The following ZGPAT variants were observed in gnomAD, a reference collection of about 807,000 sequenced individuals.
The protein encoded by ZGPAT is zinc finger CCCH-type with G patch domain-containing protein.
A neutral mutation model predicts 47.9 loss-of-function variants in ZGPAT; 39 were observed. That is an observed-to-expected ratio of 0.81 (90% CI 0.63 to 1.06). ZGPAT has a LOEUF of 1.06. ZGPAT is among the 50% of genes least tolerant of loss of function. The pLI, the probability that ZGPAT is intolerant of heterozygous loss-of-function variation, is 0.00. For synonymous variants in ZGPAT, 348 were observed against 292.9 expected, an observed-to-expected ratio of 1.19 and a Z score of -1.92; for missense variants, 717 against 681.4, an observed-to-expected ratio of 1.05 and a Z score of -0.58.
chr20:63,734,957 GCTC>G (rs921201520), intron 5 of ZGPAT, 133 bp downstream of exon 5: 9 of 1,361,320 alleles, frequency 6.6e-6, no homozygotes, highest in Non-Finnish European at 8.8e-6. Context: ...CCATCCCCGT[GCTC>G]CTCAGATTCC....
chr20:63,735,140 C>T lies in ZGPAT; in HGVS notation c.992-19C>T. The T allele has an allele frequency of 6.7e-7, 1 of 1,501,120 alleles. No homozygotes were observed. The highest frequency in any genetic ancestry group is 2.4e-5 in the East Asian group (1 of 42,256). The allele number at this position is 1,501,120 out of a possible 1,614,324, so 93.0% of individuals were successfully genotyped here. On this transcript the variant is annotated intron_variant, in intron 5 of 6. Coordinates refer to ENST00000355969, the MANE Select transcript of ZGPAT (RefSeq NM_181485.3). ...CGGGGTCCCGCAGCCACAGCACTGC[C>T]ATCCCCGTGCCTCCGCAGGTTTGGG...
chr20:63,733,205 G>C lies in ZGPAT; in HGVS notation c.585-14G>C. The C allele has an allele frequency of 6.2e-7, 1 of 1,611,746 alleles. No individual in the cohort carries two copies. The highest frequency in any genetic ancestry group is 2.2e-5 in the East Asian group (1 of 44,810). On this transcript the variant is annotated splice_polypyrimidine_tract_variant and intron_variant, in intron 2 of 6. Coordinates refer to ENST00000355969, the MANE Select transcript of ZGPAT (RefSeq NM_181485.3). Reference sequence around the variant, plus strand: ...CCCATGTCTGAGCCCTGCCCCTTACGGCTCTGTCTGCAGGTTCTCCCATGG... The same window carrying C: ...CCCATGTCTGAGCCCTGCCCCTTACCGCTCTGTCTGCAGGTTCTCCCATGG...
intron 2 of ZGPAT, among the ~76,000 whole-genome samples, chr20:63,716,130 A>C (rs1421517932): frequency 6.6e-6 from 1 of 152,016 alleles, no homozygotes; most frequent in African/African-American, 2.4e-5. Context: ...CCCGAGTTCA[A>C]GTGATTCTCC....
chr20:63,726,800 T>G (rs1434561910), intron 2 of ZGPAT, among the ~76,000 whole-genome samples: 3 of 152,206 alleles, frequency 2.0e-5, no homozygotes, highest in African/African-American at 7.2e-5. Context: ...GTCCAGGGAT[T>G]ACAGGCATGA....
In ZGPAT at chr20:63,733,355, G is replaced by A. The variant is rs543908724; in HGVS notation, c.718+3G>A. On this transcript the variant is annotated splice_donor_region_variant and intron_variant, in intron 3 of 6. Transcript: ENST00000355969. ...CTGGCACGCAGCACGCATCACCGGTGAGGCTGGCCGTGGGGGCCTCCCGGG... is the reference window on the plus strand; with the variant it reads ...CTGGCACGCAGCACGCATCACCGGTAAGGCTGGCCGTGGGGGCCTCCCGGG... 1 of 1,609,766 alleles carries A rather than the reference G, an allele frequency of 6.2e-7. No individual in the cohort carries two copies. Among genetic ancestry groups the A allele is most frequent in the East Asian group, 2.2e-5 (1 of 44,854 alleles).
At chr20:63,722,038 C>T (rs1324137217) in intron 2 of ZGPAT, among the ~76,000 whole-genome samples, 1 of 148,572 alleles carries the variant, frequency 6.7e-6, no homozygotes, top group Non-Finnish European at 1.5e-5. Context: ...AAAAAAATGC[C>T]ATCAACAGCA....
In ZGPAT at chr20:63,735,439, G is replaced by A. The variant is rs2091974911; in HGVS notation, c.1272G>A (p.Met424Ile). The A allele has an allele frequency of 6.4e-7, 1 of 1,573,218 alleles. No individual in the cohort carries two copies. ...AAPAGRRSKDMYHASKSAKRA... is the reference protein window; with the variant it reads ...AAPAGRRSKDIYHASKSAKRA... The stretch of plus-strand genomic sequence containing the variant: ...CAGCGGGGAGGAGGAGCAAGGACAT[G>A]TACCATGCCAGCAAGAGTGCCAAGC... The change falls in exon 6 of 7, where the codon ATG (methionine) becomes ATA (isoleucine). Residue 424 changes from methionine to isoleucine, a missense_variant. Met to Ile is a conservative substitution (Grantham distance 10). Coordinates refer to ENST00000355969, the MANE Select transcript of ZGPAT (RefSeq NM_181485.3).
At chr20:63,733,016 ATG>A (rs1435533421) in intron 2 of ZGPAT, among the ~76,000 whole-genome samples, 4 of 148,926 alleles carry the variant, frequency 2.7e-5, no homozygotes, top group Admixed American at 6.7e-5. Flanking sequence ...GCATGTGTGT[ATG>A]TGTGCGTGAG....
intron 2 of ZGPAT, among the ~76,000 whole-genome samples, chr20:63,724,798 C>T (rs2091826715): frequency 6.6e-6 from 1 of 151,622 alleles, no homozygotes; most frequent in Non-Finnish European, 1.5e-5. Flanking sequence ...CTCAGCCTCC[C>T]AAGTAGCTGA....
At chr20:63,733,868 T>C in intron 4 of ZGPAT, 129 bp downstream of exon 4, 1 of 1,303,938 alleles carries the variant, frequency 7.7e-7, no homozygotes, top group Non-Finnish European at 1.0e-6. Context: ...GGGTGCCACC[T>C]GTGCCTGAGG....
rs1236357496 is a variant in ZGPAT, at chr20:63,734,753, C to T, written c.920C>T (p.Ala307Val). ...TCTGGGACCTGCAGCTCTGCCTTTG[C>T]TGGCTGGGAGGTGCACACGCGAGGT... ...VDSGTCSSAF[A>V]GWEVHTRGIG... The change falls in exon 5 of 7, where the codon GCT becomes GTT. Residue 307 changes from alanine to valine, a missense_variant. Physicochemically the swap from Ala to Val is moderately conservative, Grantham distance 64. Coordinates refer to ENST00000355969, the MANE Select transcript of ZGPAT (RefSeq NM_181485.3). 1.2e-6 allele frequency: 2 copies of T among 1,613,804 alleles called. No homozygotes were observed. The highest frequency in any genetic ancestry group is 2.7e-5 in the African/African-American group (2 of 74,932).
At chr20:63,713,176 A>G (rs1030906178) in intron 2 of ZGPAT, among the ~76,000 whole-genome samples, 48 of 151,394 alleles carry the variant, frequency 3.2e-4, no homozygotes, top group Admixed American at 1.8e-3. Context: ...GGTTCAAGCA[A>G]TTCTTCTGCT....
intron 1 of ZGPAT, 78 bp from the exon 2 acceptor site, chr20:63,708,473 ACG>A (rs2091600110): frequency 2.0e-6 from 2 of 999,536 alleles, no homozygotes; most frequent in African/African-American, 3.3e-5. Context: ...GGGAAAGGGG[ACG>A]TGCCCGTGCC....
In ZGPAT at chr20:63,735,438, T is replaced by C. The variant is rs752880223; in HGVS notation, c.1271T>C (p.Met424Thr). The C allele has an allele frequency of 1.9e-6, 3 of 1,573,916 alleles. No homozygotes were observed. The highest frequency in any genetic ancestry group is 1.9e-5 in the Admixed American group (1 of 52,084). The change falls in exon 6 of 7, where the codon ATG becomes ACG. Residue 424 changes from methionine (M) to threonine (T), a missense_variant. By Grantham distance (81) the Met-to-Thr change is moderately conservative. Transcript: ENST00000355969. ...AAPAGRRSKD[M>T]YHASKSAKRA... is the part of the protein sequence containing the mutation. ...CCAGCGGGGAGGAGGAGCAAGGACA[T>C]GTACCATGCCAGCAAGAGTGCCAAG...
At chr20:63,719,257 G>A (rs891491269) in intron 2 of ZGPAT, among the ~76,000 whole-genome samples, 1 of 151,888 alleles carries the variant, frequency 6.6e-6, no homozygotes, top group African/African-American at 2.4e-5. Flanking sequence ...CAATTTATAA[G>A]CTACTTGGAG....
chr20:63,708,838 C>G lies in ZGPAT; in HGVS notation c.258C>G (p.Ile86Met). The change falls in exon 2 of 7, where the codon ATC (isoleucine) becomes ATG (methionine). Residue 86 changes from isoleucine to methionine, a missense_variant. Ile to Met is a conservative substitution (Grantham distance 10, BLOSUM62 1). Transcript: ENST00000355969. ...DAEYQAFREA[I>M]TEAVEAPAAA... ...AGTACCAGGCTTTCCGGGAGGCCAT[C>G]ACTGAGGCGGTGGAGGCACCAGCAG... 1 of 1,605,616 alleles carries G rather than the reference C, an allele frequency of 6.2e-7. No individual in the cohort carries two copies. The highest frequency in any genetic ancestry group is 8.5e-7 in the Non-Finnish European group (1 of 1,175,162).
At chr20:63,732,345 GGT>G (rs1036592099) in intron 2 of ZGPAT, among the ~76,000 whole-genome samples, 3 of 27,132 alleles carry the variant, frequency 1.1e-4, no homozygotes, top group East Asian at 4.4e-4. Flanking sequence ...GTGTGGGTGA[GGT>G]GTGTGTGTGC....
chr20:63,726,568 G>A (rs2091848392), intron 2 of ZGPAT, among the ~76,000 whole-genome samples: 1 of 151,164 alleles, frequency 6.6e-6, no homozygotes, highest in Non-Finnish European at 1.5e-5. Context: ...TGTCGCCCAG[G>A]CTGAAGTGCA....
upstream of ZGPAT, chr20:63,707,665 A>C (rs1259374291): frequency 1.3e-5 from 2 of 152,230 alleles, no homozygotes; most frequent in African/African-American, 2.4e-5. Flanking sequence ...GTGCACCTGG[A>C]GGCGGCGCGC....
Sources: allele counts gnomAD v4.1 joint callset (sites outside exome capture counted in the v4.1 genomes callset), GRCh38; gene constraint gnomAD v4.1.1; transcripts MANE v1.5; gene names NCBI Gene and HGNC (gene_info 2026-07-23, HGNC 2026-07-21).